FAM20B: variants seen among roughly 807,000 people sequenced by gnomAD.
FAM20B encodes FAM20B glycosaminoglycan xylosylkinase, also known as glycosaminoglycan xylosylkinase.
In FAM20B, 23 loss-of-function variants were observed where a neutral mutation model predicts 43.8. The observed-to-expected ratio is 0.53, with a 90% CI of 0.38 to 0.74. The LOEUF (loss-of-function observed/expected upper bound fraction) is 0.74, where lower values mean the gene tolerates loss of function less well. Among genes scored for constraint, FAM20B ranks in the 30% least tolerant of loss-of-function variants. FAM20B has a pLI of 0.00. For missense variants in FAM20B, 440 were observed against 510.5 expected (o/e 0.86, Z 1.33); for synonymous variants, 178 against 192.4 (o/e 0.93, Z 0.62).
At chr1:179,060,856 T>C (rs982792790) in intron 4 of FAM20B, among the ~76,000 whole-genome samples, 4 of 152,328 alleles carry the variant, frequency 2.6e-5, no homozygotes, top group Non-Finnish European at 4.4e-5. Context: ...TAAGAGTGAC[T>C]CTTTCTGCTA....
intron 7 of FAM20B, among the ~76,000 whole-genome samples, chr1:179,069,409 C>T (rs778447728): frequency 6.6e-5 from 10 of 152,044 alleles, no homozygotes; most frequent in South Asian, 4.2e-4. Context: ...CTCGCTCTGT[C>T]GCCCAGGCTG....
At chr1:179,024,406 G>A (rs568563936), upstream of FAM20B, among the ~76,000 whole-genome samples, 2 of 152,322 alleles carry the variant, frequency 1.3e-5, no homozygotes, top group Non-Finnish European at 2.9e-5. Flanking sequence ...TGTCTTAAAG[G>A]AACTGTTGAT....
Position 179,072,333 on chromosome 1 carries a change from G to A in FAM20B, c.*189G>A. 1 of 587,972 alleles carries A rather than the reference G, an allele frequency of 1.7e-6. No homozygotes were observed. Among genetic ancestry groups the A allele is most frequent in the Non-Finnish European group, 3.0e-6 (1 of 330,638 alleles). 36.4% of individuals were successfully genotyped at this position (587,972 alleles called of 1,614,324 possible). A position where few individuals can be genotyped will look rare whatever the true frequency, so the allele number is the denominator to read the frequency against. On this transcript the variant is annotated 3_prime_UTR_variant, in exon 8 of 8. Transcript: ENST00000263733. ...CAAAGACCACAAGTTTCAGAGCATG[G>A]AGACATTCCTGCTGAATCGCCTTCT...
chr1:179,017,739 A>G, the FAM20B span, among the ~76,000 whole-genome samples: 2 of 152,256 alleles, frequency 1.3e-5, no homozygotes, highest in Non-Finnish European at 2.9e-5. Flanking sequence ...AGTTAGTGCC[A>G]TGGAACACAG....
At chr1:179,033,612 G>T (rs1290940596) in intron 1 of FAM20B, among the ~76,000 whole-genome samples, 1 of 152,210 alleles carries the variant, frequency 6.6e-6, no homozygotes, top group Non-Finnish European at 1.5e-5. Context: ...GAGCAGAACA[G>T]ATGTGAGAAT....
chr1:179,040,070 A>G (rs955580836), intron 1 of FAM20B, among the ~76,000 whole-genome samples: 7 of 152,216 alleles, frequency 4.6e-5, no homozygotes, highest in Non-Finnish European at 8.8e-5. Flanking sequence ...GATCAACAGG[A>G]TCCCAAGGCA....
chr1:179,035,007 G>T (rs1013507618), intron 1 of FAM20B, among the ~76,000 whole-genome samples: 18 of 152,212 alleles, frequency 1.2e-4, no homozygotes, highest in Non-Finnish European at 2.1e-4. Context: ...CTCAGAGGTA[G>T]TATTGTGAGC....
chr1:179,066,741 GATGCTAA>G, intron 6 of FAM20B, 52 bp from the exon 7 acceptor site: 1 of 1,157,380 alleles, frequency 8.6e-7, no homozygotes, highest in Non-Finnish European at 1.3e-6. Context: ...CTATTGCTTT[GATGCTAA>G]GAAGAGAACA....
At chr1:179,039,440 CGTA>C (rs1243506957) in intron 1 of FAM20B, among the ~76,000 whole-genome samples, 2 of 152,290 alleles carry the variant, frequency 1.3e-5, no homozygotes, top group East Asian at 3.9e-4. Context: ...CCATTCCAGA[CGTA>C]GTAGTGCTGC....
chr1:179,050,442 T>G, intron 3 of FAM20B, 77 bp downstream of exon 3: 1 of 957,510 alleles, frequency 1.0e-6, no homozygotes, highest in Non-Finnish European at 1.7e-6. Flanking sequence ...CGTGGACTCC[T>G]TCAGAAGGAT....
chr1:179,064,874 G>C lies in FAM20B; in HGVS notation c.938+378G>C, dbSNP rs370549690. Among the ~76,000 whole-genome samples the C allele has an allele frequency of 2.0e-5, 3 of 152,242 alleles. No homozygotes were observed. The South Asian group carries it at 6.2e-4, about 32-fold the overall frequency. On this transcript the variant is annotated intron_variant, in intron 6 of 7. Transcript: ENST00000263733. ...GTCGTTAAATTTATTCTATCCAAAG[G>C]TTCCTGCAATTAAAAAATTAATTTA...
At chr1:179,031,919 T>C (rs780694826) in intron 1 of FAM20B, among the ~76,000 whole-genome samples, 6 of 152,212 alleles carry the variant, frequency 3.9e-5, no homozygotes, top group Non-Finnish European at 1.5e-5. Context: ...TTCAGTTACA[T>C]TGAGTGTGGT....
chr1:179,040,524 G>A (rs1394527957), intron 1 of FAM20B, among the ~76,000 whole-genome samples: 1 of 139,996 alleles, frequency 7.1e-6, no homozygotes, highest in South Asian at 2.3e-4. Flanking sequence ...CGGGGCGGCT[G>A]GCCGGGCGGG....
chr1:179,063,863 T>A (rs1651575541), intron 4 of FAM20B, 64 bp from the exon 5 acceptor site: 3 of 1,206,506 alleles, frequency 2.5e-6, no homozygotes, highest in Non-Finnish European at 3.6e-6. Context: ...TCTGCATTAT[T>A]TGGGAGAGAA....
intron 4 of FAM20B, among the ~76,000 whole-genome samples, chr1:179,060,910 T>A (rs111890150): frequency 8.8e-4 from 134 of 152,326 alleles, no homozygotes; most frequent in Non-Finnish European, 8.5e-4. Context: ...TTTGTGTATT[T>A]CATATGAAGC....
intron 4 of FAM20B, among the ~76,000 whole-genome samples, chr1:179,063,700 G>C (rs1347261777): frequency 6.6e-6 from 1 of 152,162 alleles, no homozygotes; most frequent in African/African-American, 2.4e-5. Context: ...AGGAGGCAAG[G>C]GCAACTTACT....
At chr1:179,030,348 C>T (rs1649958233) in intron 1 of FAM20B, among the ~76,000 whole-genome samples, 1 of 151,826 alleles carries the variant, frequency 6.6e-6, no homozygotes, top group African/African-American at 2.4e-5. Flanking sequence ...CGTGTGGGTT[C>T]TTGTTTCAGA....
chr1:179,020,275 T>C, the FAM20B span, among the ~76,000 whole-genome samples: 1 of 152,282 alleles, frequency 6.6e-6, no homozygotes, highest in African/African-American at 2.4e-5. Context: ...TTGCCTCACC[T>C]TTGGCCTGCT....
chr1:179,051,651 T>A (rs989976099), intron 3 of FAM20B, among the ~76,000 whole-genome samples: 2 of 151,910 alleles, frequency 1.3e-5, no homozygotes, highest in African/African-American at 4.8e-5. Context: ...AAATAATAAA[T>A]AAATTTTTTT....
Sources: allele counts gnomAD v4.1 joint callset (sites outside exome capture counted in the v4.1 genomes callset), GRCh38; gene constraint gnomAD v4.1.1; transcripts MANE v1.5; gene names NCBI Gene and HGNC (gene_info 2026-07-23, HGNC 2026-07-21).